Variants in PPP1R14C observed in about 807,000 individuals in gnomAD.
PPP1R14C encodes protein phosphatase 1 regulatory inhibitor subunit 14C.
PPP1R14C carries 16 observed loss-of-function variants against 20.4 expected under a neutral mutation model. The observed-to-expected ratio is 0.78, with a 90% CI of 0.53 to 1.19. The LOEUF is 1.19. Among genes scored for constraint, PPP1R14C ranks in the 50% most tolerant of loss-of-function variants. The pLI, the probability that PPP1R14C is intolerant of heterozygous loss-of-function variation, is 0.00. For synonymous variants in PPP1R14C, 91 were observed against 91.0 expected (o/e 1.00, Z 0.00); for missense variants, 211 against 220.1 (o/e 0.96, Z 0.26).
intron 1 of PPP1R14C, among the ~76,000 whole-genome samples, chr6:150,206,266 A>G (rs1777948626): frequency 6.6e-6 from 1 of 152,184 alleles, no homozygotes; most frequent in Middle Eastern, 3.4e-3. Flanking sequence ...ATATTTATCA[A>G]TCTTTGCCAC....
chr6:150,216,938 A>G (rs1381974349), intron 3 of PPP1R14C, 82 bp downstream of exon 3: 1 of 1,140,096 alleles, frequency 8.8e-7, no homozygotes, highest in Admixed American at 2.0e-5. Flanking sequence ...GCAAACCACA[A>G]TAAGTAGGTT....
At position 150,201,019 on chromosome 6, in the gene PPP1R14C, GA is replaced by G. The variant is rs1449482152; in HGVS notation, c.307-13722del. 6.6e-6 allele frequency among the ~76,000 whole-genome samples: 1 copy of G among 152,180 alleles called. No homozygotes were observed. The highest frequency in any genetic ancestry group is 6.5e-5 in the Admixed American group (1 of 15,278). On this transcript the variant is annotated intron_variant, in intron 1 of 3. Coordinates refer to ENST00000361131, the MANE Select transcript of PPP1R14C (RefSeq NM_030949.3). This position sits in a 1 kb window ranked among gnomAD's most constrained non-coding sequence, Gnocchi z 4.2. ...TCATTCCCCAGCCATGCTGCATCCT[GA>G]AAGGCACATAGCACAAGTTGTAGGG... is the stretch of plus-strand genomic sequence containing the variant.
In PPP1R14C at chr6:150,248,894, G is replaced by A; in HGVS notation, c.*74G>A. 3.3e-6 allele frequency: 3 copies of A among 909,392 alleles called. No individual in the cohort carries two copies. The highest frequency in any genetic ancestry group is 1.8e-5 in the South Asian group (1 of 55,156). The allele number at this position is 909,392 out of a possible 1,614,324, so 56.3% of individuals were successfully genotyped here. On this transcript the variant is annotated 3_prime_UTR_variant, in exon 4 of 4. Transcript: ENST00000361131. ...ATTTGTACTTCATGAAGACTTTTGT[G>A]AAAGAATAGGTGTCCTTATGAACAA...
At chr6:150,164,290 G>A (rs1777401836) in intron 1 of PPP1R14C, among the ~76,000 whole-genome samples, 1 of 152,166 alleles carries the variant, frequency 6.6e-6, no homozygotes, top group Non-Finnish European at 1.5e-5. Context: ...CTAGATATGA[G>A]TCCTTTGTCA....
At chr6:150,154,764 A>G (rs575086901) in intron 1 of PPP1R14C, among the ~76,000 whole-genome samples, 1 of 152,318 alleles carries the variant, frequency 6.6e-6, no homozygotes, top group South Asian at 2.1e-4. Context: ...GGTAGGGACT[A>G]GAACGTAAGG....
intron 1 of PPP1R14C, among the ~76,000 whole-genome samples, chr6:150,204,026 C>T (rs943590612): frequency 6.6e-6 from 1 of 152,222 alleles, no homozygotes; most frequent in African/African-American, 2.4e-5. Flanking sequence ...TGGTGTTCCT[C>T]TCCCTTCCGG....
At chr6:150,175,682 A>C (rs6918104) in intron 1 of PPP1R14C, among the ~76,000 whole-genome samples, 43,764 of 151,964 alleles carry the variant, frequency 0.29, 6,810 homozygotes, top group East Asian at 0.57. Context: ...GCTTTGTATG[A>C]TTTCCCTAGT....
At position 150,231,064 on chromosome 6, in the gene PPP1R14C, G is replaced by A. The variant is rs567076957; in HGVS notation, c.423+14208G>A. Among the ~76,000 whole-genome samples, 290 of 152,326 alleles carry A rather than the reference G, an allele frequency of 1.9e-3. 2 individuals carry two copies. Among genetic ancestry groups the A allele is most frequent in the Non-Finnish European group, 3.0e-3 (206 of 68,028 alleles). On this transcript the variant is annotated intron_variant, in intron 3 of 3. Coordinates refer to ENST00000361131, the MANE Select transcript of PPP1R14C (RefSeq NM_030949.3). ...TATGAAAGTCATGGGCCCCAAGACGGACTAGTGCAGGGCGCAGAGCTCAGA... is the reference window on the plus strand; with the variant it reads ...TATGAAAGTCATGGGCCCCAAGACGAACTAGTGCAGGGCGCAGAGCTCAGA...
chr6:150,163,029 C>CATG (rs1777387408), intron 1 of PPP1R14C, among the ~76,000 whole-genome samples: 1 of 152,124 alleles, frequency 6.6e-6, no homozygotes, highest in African/African-American at 2.4e-5. Context: ...TGAATCTTGG[C>CATG]ATGGCCAAGG....
intron 3 of PPP1R14C, among the ~76,000 whole-genome samples, chr6:150,237,399 C>T (rs7765105): frequency 1.4e-3 from 210 of 152,224 alleles, no homozygotes; most frequent in African/African-American, 4.6e-3. Context: ...GACAGGGTTT[C>T]ACCATATTGG....
chr6:150,160,445 T>G (rs949339989), intron 1 of PPP1R14C, among the ~76,000 whole-genome samples: 7 of 150,972 alleles, frequency 4.6e-5, no homozygotes, highest in African/African-American at 1.7e-4. Flanking sequence ...TTTTTTTTTT[T>G]TGTATTTTTA....
At chr6:150,146,419 T>C (rs1418991112) in intron 1 of PPP1R14C, among the ~76,000 whole-genome samples, 3 of 152,338 alleles carry the variant, frequency 2.0e-5, no homozygotes, top group East Asian at 1.9e-4. Flanking sequence ...GTATAAAATT[T>C]CTTCTGTCCA....
chr6:150,221,078 G>A (rs1403723859), intron 3 of PPP1R14C, among the ~76,000 whole-genome samples: 6 of 152,098 alleles, frequency 3.9e-5, no homozygotes, highest in South Asian at 2.1e-4. Context: ...ATCTGTTAAC[G>A]GGTCATTTCA....
intron 3 of PPP1R14C, 98 bp from the exon 4 acceptor site, chr6:150,248,648 T>C (rs1395830931): frequency 2.6e-6 from 2 of 757,946 alleles, no homozygotes; most frequent in East Asian, 5.0e-5. Flanking sequence ...ATTCATCAAC[T>C]AAGGTTAACT....
intron 3 of PPP1R14C, among the ~76,000 whole-genome samples, chr6:150,223,111 A>G (rs1432792769): frequency 6.6e-6 from 1 of 152,210 alleles, no homozygotes. Flanking sequence ...TTTAGCAGCT[A>G]CAGACTGGCT....
rs1203731338 is a variant in PPP1R14C at position 150,143,130 on chromosome 6, G to T, written c.-63G>T. ...CGGCTGCCGGGCCGGAGGTGGTAGCGGCGCCGGGCGCGCTCCGCCCGCCCC... is the reference window on the plus strand; with the variant it reads ...CGGCTGCCGGGCCGGAGGTGGTAGCTGCGCCGGGCGCGCTCCGCCCGCCCC... On this transcript the variant is annotated 5_prime_UTR_variant, in exon 1 of 4. Coordinates refer to ENST00000361131, the MANE Select transcript of PPP1R14C (RefSeq NM_030949.3). This position sits in a 1 kb window ranked among gnomAD's most constrained non-coding sequence, Gnocchi z 5.6. 1 of 1,179,272 alleles carries T rather than the reference G, an allele frequency of 8.5e-7. No homozygotes were observed. Among genetic ancestry groups the T allele is most frequent in the Non-Finnish European group, 1.0e-6 (1 of 957,510 alleles). 73.1% of individuals were successfully genotyped at this position (1,179,272 alleles called of 1,614,324 possible).
chr6:150,231,691 C>T (rs190263657), intron 3 of PPP1R14C, among the ~76,000 whole-genome samples: 12 of 152,280 alleles, frequency 7.9e-5, no homozygotes, highest in Admixed American at 7.8e-4. Context: ...GACAAGTATG[C>T]ACATGGATTA....
At chr6:150,204,066 A>G (rs1349660023) in intron 1 of PPP1R14C, among the ~76,000 whole-genome samples, 2 of 152,220 alleles carry the variant, frequency 1.3e-5, no homozygotes, top group Admixed American at 6.5e-5. Context: ...GCACGGAGAA[A>G]GAAGGGCCCT....
chr6:150,184,908 T>C (rs1157280327), intron 1 of PPP1R14C, among the ~76,000 whole-genome samples: 1 of 152,196 alleles, frequency 6.6e-6, no homozygotes, highest in Non-Finnish European at 1.5e-5. Flanking sequence ...GGCTGAGATA[T>C]GCTTGATCAT....
Sources: allele counts gnomAD v4.1 joint callset (sites outside exome capture counted in the v4.1 genomes callset), GRCh38; gene constraint gnomAD v4.1.1; non-coding constraint Gnocchi (gnomAD v3.1); transcripts MANE v1.5; gene names NCBI Gene and HGNC (gene_info 2026-07-23, HGNC 2026-07-21).